Variants in DAZL observed in about 807,000 individuals in gnomAD.
DAZL encodes the protein deleted in azoospermia like.
In DAZL, 4 loss-of-function variants were observed where a neutral mutation model predicts 45.0. The observed-to-expected ratio is 0.09, with a 90% CI of 0.04 to 0.20. The LOEUF (loss-of-function observed/expected upper bound fraction) is 0.20. Ranked by LOEUF, DAZL falls within the 10% of genes least tolerant of loss-of-function variation. The pLI is 1.00. For synonymous variants in DAZL, 122 were observed against 112.4 expected (o/e 1.09, Z -0.54); for missense variants, 326 against 351.3 (o/e 0.93, Z 0.58).
At chr3:16,589,945 A>T (rs760690918) in intron 10 of DAZL, among the ~76,000 whole-genome samples, 3 of 151,986 alleles carry the variant, frequency 2.0e-5, no homozygotes, top group Non-Finnish European at 4.4e-5. Flanking sequence ...GTAGCGGTGC[A>T]TGTCTGTAGT....
At chr3:16,598,392 G>A in intron 2 of DAZL, 60 bp downstream of exon 2, 1 of 1,590,356 alleles carries the variant, frequency 6.3e-7, no homozygotes, top group African/African-American at 1.3e-5. Flanking sequence ...TTTGTAACAG[G>A]GCCCAAATCC....
chr3:16,595,408 G>A (rs1468814805), intron 6 of DAZL, 23 bp from the exon 7 acceptor site: 17 of 1,383,644 alleles, frequency 1.2e-5, no homozygotes, highest in African/African-American at 2.9e-5. Context: ...TTTACAGAAA[G>A]AATGAATAAT....
Position 16,594,585 on chromosome 3 carries a change from T to TAA in DAZL, c.571-3_571-2insTT. On this transcript the variant is annotated splice_region_variant and splice_polypyrimidine_tract_variant and intron_variant, in intron 7 of 10. Coordinates refer to ENST00000399444, the MANE Select transcript of DAZL (RefSeq NM_001351.4). ...CCCAACAGGCCACTGTGGTGGCATC[T>TAA]TAAAAAAAAAAAAAAGGAAACCAAA... 6.5e-7 allele frequency: 1 copy of TAA among 1,535,728 alleles called. No individual in the cohort carries two copies. Among genetic ancestry groups the TAA allele is most frequent in the Non-Finnish European group, 8.7e-7 (1 of 1,147,536 alleles).
At chr3:16,592,430 T>TAC (rs1559401636) in intron 9 of DAZL, among the ~76,000 whole-genome samples, 4 of 151,868 alleles carry the variant, frequency 2.6e-5, no homozygotes, top group South Asian at 2.1e-4. Context: ...CAGCTGGGCA[T>TAC]AGTGGCGGGT....
intron 8 of DAZL, 62 bp from the exon 9 acceptor site, chr3:16,593,830 A>T: frequency 9.3e-7 from 1 of 1,070,874 alleles, no homozygotes; most frequent in Non-Finnish European, 1.4e-6. Context: ...AAAGCCACTT[A>T]TTCTTCAAAA....
Position 16,592,106 on chromosome 3 carries a change from A to G in DAZL, c.778T>C (p.Phe260Leu). 1 of 1,613,874 alleles carries G rather than the reference A, an allele frequency of 6.2e-7. No individual in the cohort carries two copies. The highest frequency in any genetic ancestry group is 8.5e-7 in the Non-Finnish European group (1 of 1,179,886). ...RSIQTVVSCL[F>L]NPENRLRNSV... Reference sequence around the variant, plus strand: ...TTTCTCAGTCTGTTCTCTGGATTAAACAGACAAGATACCACCGTTTGTATG... The same window carrying G: ...TTTCTCAGTCTGTTCTCTGGATTAAGCAGACAAGATACCACCGTTTGTATG... The change falls in exon 10 of 11, where the codon TTT (phenylalanine) becomes CTT (leucine). Residue 260 changes from phenylalanine (F) to leucine (L), a missense_variant. Around this residue, in one of 3 missense-constraint regions of DAZL, gnomAD observed 227 missense variants for 216.6 expected, o/e 1.05. Transcript: ENST00000399444.
At chr3:16,591,980 C>T in intron 10 of DAZL, 70 bp downstream of exon 10, 3 of 1,524,588 alleles carry the variant, frequency 2.0e-6, no homozygotes, top group Non-Finnish European at 9.1e-7. Context: ...ATACATATAC[C>T]ACAAGGAAAA....
At chr3:16,592,994 A>T (rs1014948994) in intron 9 of DAZL, among the ~76,000 whole-genome samples, 3 of 152,216 alleles carry the variant, frequency 2.0e-5, no homozygotes, top group Non-Finnish European at 4.4e-5. Context: ...ATATTTGAAT[A>T]ATTATTACTG....
chr3:16,592,479 G>C (rs1033149715), intron 9 of DAZL, among the ~76,000 whole-genome samples: 2 of 151,366 alleles, frequency 1.3e-5, no homozygotes, highest in African/African-American at 4.9e-5. Context: ...GAGGCAGGGA[G>C]AATTGCTTGA....
At chr3:16,592,218 G>C in intron 9 of DAZL, 70 bp from the exon 10 acceptor site, 4 of 1,561,142 alleles carry the variant, frequency 2.6e-6, no homozygotes, top group Non-Finnish European at 3.5e-6. Context: ...GTTTTTTTTT[G>C]ATAGTTTAAT....
chr3:16,604,889 T>A, intron 1 of DAZL: 2 of 710,714 alleles, frequency 2.8e-6, no homozygotes, highest in South Asian at 3.8e-5. Context: ...CCTCTGCCAG[T>A]AGAGAACCCG....
intron 3 of DAZL, 138 bp downstream of exon 3, chr3:16,597,949 C>A: frequency 2.2e-6 from 2 of 900,486 alleles, no homozygotes; most frequent in South Asian, 1.7e-5. Flanking sequence ...AAAGAGCTGG[C>A]AATAAACTTT....
At chr3:16,604,450 A>G in intron 1 of DAZL, 6 of 1,533,174 alleles carry the variant, frequency 3.9e-6, no homozygotes, top group South Asian at 1.2e-5. Flanking sequence ...CTCGTGCGGC[A>G]AAGATGGCGT....
chr3:16,605,240 G>C lies in DAZL; in HGVS notation c.-35C>G. 4 of 1,614,014 alleles carry C rather than the reference G, an allele frequency of 2.5e-6. No individual in the cohort carries two copies. The highest frequency in any genetic ancestry group is 2.2e-5 in the South Asian group (2 of 91,088). Reference sequence around the variant, plus strand: ...AGGCAGCAGTTCCCGACCGGCTCCAGGAGGAGCAGAGGCTGTGCTTGGCGC... The same window carrying C: ...AGGCAGCAGTTCCCGACCGGCTCCACGAGGAGCAGAGGCTGTGCTTGGCGC... On this transcript the variant is annotated 5_prime_UTR_variant, in exon 1 of 11. Transcript: ENST00000399444.
intron 4 of DAZL, among the ~76,000 whole-genome samples, 153 bp from the exon 5 acceptor site, chr3:16,597,204 T>C (rs991963170): frequency 2.0e-5 from 3 of 152,110 alleles, no homozygotes; most frequent in Non-Finnish European, 4.4e-5. Context: ...TGAAGCTACC[T>C]TACCCTTATT....
At chr3:16,595,290 T>A in intron 7 of DAZL, 24 bp downstream of exon 7, 1 of 1,337,912 alleles carries the variant, frequency 7.5e-7, no homozygotes, top group Non-Finnish European at 1.0e-6. Flanking sequence ...TGAAAGTAAA[T>A]CATTTTACTC....
In DAZL at chr3:16,605,420, G is replaced by A. The variant is rs900432080; in HGVS notation, c.-215C>T. ...ACCGTCAGGCTGAGGAGCGCAGGCG[G>A]ACTGAGGCGTGGTCCGCGGGGCTCA... On this transcript the variant is annotated 5_prime_UTR_variant, in exon 1 of 11. Coordinates refer to ENST00000399444, the MANE Select transcript of DAZL (RefSeq NM_001351.4). The A allele has an allele frequency of 5.3e-5, 34 of 643,628 alleles. No individual in the cohort carries two copies. Among genetic ancestry groups the A allele is most frequent in the Non-Finnish European group, 8.9e-5 (32 of 358,864 alleles). 39.9% of individuals were successfully genotyped at this position (643,628 alleles called of 1,614,324 possible).
At chr3:16,589,059 T>C (rs1694480322) in intron 10 of DAZL, among the ~76,000 whole-genome samples, 2 of 152,166 alleles carry the variant, frequency 1.3e-5, no homozygotes, top group African/African-American at 4.8e-5. Flanking sequence ...AATGTAATTC[T>C]AAAAAATACT....
At chr3:16,591,479 G>T (rs781058621) in intron 10 of DAZL, among the ~76,000 whole-genome samples, 3 of 150,342 alleles carry the variant, frequency 2.0e-5, no homozygotes, top group Non-Finnish European at 4.4e-5. Context: ...GCCCAGGCTG[G>T]AGTACAGTGG....
Sources: allele counts gnomAD v4.1 joint callset (sites outside exome capture counted in the v4.1 genomes callset), GRCh38; gene constraint gnomAD v4.1.1; regional missense constraint gnomAD v4.1.1; transcripts MANE v1.5; gene names NCBI Gene and HGNC (gene_info 2026-07-23, HGNC 2026-07-21).